Variants in TNFRSF21 observed in about 807,000 individuals in gnomAD.
TNFRSF21 encodes tumor necrosis factor receptor superfamily member 21.
Under a neutral mutation model 45.6 loss-of-function variants are expected in TNFRSF21, and 19 were observed. That is an observed-to-expected ratio of 0.42 (90% CI 0.29 to 0.61). The LOEUF is 0.61. Ranked by LOEUF, TNFRSF21 falls within the 20% of genes least tolerant of loss-of-function variation. The pLI is 0.23. For missense variants in TNFRSF21, 737 were observed against 851.5 expected (o/e 0.87, Z 1.67); for synonymous variants, 314 against 335.5 (o/e 0.94, Z 0.70).
intron 4 of TNFRSF21, among the ~76,000 whole-genome samples, chr6:47,252,049 G>T (rs377247068): frequency 2.6e-5 from 4 of 152,156 alleles, no homozygotes; most frequent in Non-Finnish European, 4.4e-5. Context: ...TTGGATAAAA[G>T]ATTCACCTGA....
chr6:47,270,506 T>C (rs912692271), intron 3 of TNFRSF21, among the ~76,000 whole-genome samples: 2 of 152,174 alleles, frequency 1.3e-5, no homozygotes, highest in Non-Finnish European at 2.9e-5. Context: ...ACCCCATCTG[T>C]AGGTCACCAA....
At chr6:47,239,009 G>A (rs1343028079) in intron 4 of TNFRSF21, among the ~76,000 whole-genome samples, 1 of 152,114 alleles carries the variant, frequency 6.6e-6, no homozygotes, top group Non-Finnish European at 1.5e-5. Context: ...AACTGAGGCT[G>A]GGCGCAGTGG....
rs1217761424 is a variant in TNFRSF21 at position 47,234,711 on chromosome 6, C to A, written c.1697G>T (p.Gly566Val). ...ACCGTTCCTGCTCAGCGCGGAGGAG[C>A]CGCTGGATGTAGAGTCACAGCGGAG... ...PLLRCDSTSS[G>V]SSALSRNGSF... is the part of the protein sequence containing the mutation. Residue 566 changes from glycine to valine, a missense_variant, in exon 5 of 6, where the codon GGC (glycine) becomes GTC (valine). Physicochemically the swap from Gly to Val is moderately radical, Grantham distance 109. Coordinates refer to ENST00000296861, the MANE Select transcript of TNFRSF21 (RefSeq NM_014452.5). 2 of 1,611,288 alleles carry A rather than the reference C, an allele frequency of 1.2e-6. No individual in the cohort carries two copies. Among genetic ancestry groups the A allele is most frequent in the African/African-American group, 1.3e-5 (1 of 74,916 alleles).
chr6:47,241,279 A>G (rs909154677), intron 4 of TNFRSF21, among the ~76,000 whole-genome samples: 11 of 152,222 alleles, frequency 7.2e-5, no homozygotes, highest in African/African-American at 2.2e-4. Context: ...ATCTGAATCT[A>G]TTCAATTCCT....
chr6:47,305,607 A>G (rs1762927279), intron 1 of TNFRSF21, among the ~76,000 whole-genome samples: 1 of 152,210 alleles, frequency 6.6e-6, no homozygotes, highest in Non-Finnish European at 1.5e-5. Flanking sequence ...GAGGTAATGT[A>G]CTTTGATAAA....
intron 3 of TNFRSF21, among the ~76,000 whole-genome samples, chr6:47,279,301 G>A (rs2113861416): frequency 6.6e-6 from 1 of 152,322 alleles, no homozygotes; most frequent in South Asian, 2.1e-4. Context: ...AAGGAAAAGG[G>A]AAATAGTAAC....
intron 3 of TNFRSF21, among the ~76,000 whole-genome samples, chr6:47,270,604 T>C (rs956710324): frequency 6.6e-6 from 1 of 152,128 alleles, no homozygotes; most frequent in Non-Finnish European, 1.5e-5. Context: ...GAGCGCATCT[T>C]CTCCTCCAAA....
intron 4 of TNFRSF21, among the ~76,000 whole-genome samples, chr6:47,235,831 A>T (rs1446815798): frequency 1.3e-5 from 2 of 152,168 alleles, no homozygotes; most frequent in Non-Finnish European, 2.9e-5. Flanking sequence ...TAGAACAGAG[A>T]CTGTGAAGAT....
chr6:47,261,892 GTA>G (rs546082419), intron 3 of TNFRSF21, among the ~76,000 whole-genome samples: 122 of 152,312 alleles, frequency 8.0e-4, no homozygotes, highest in African/African-American at 2.7e-3. Context: ...TTAAAAATTT[GTA>G]TACCAACAGC....
At chr6:47,254,197 T>C (rs1764947407) in intron 3 of TNFRSF21, among the ~76,000 whole-genome samples, 1 of 152,180 alleles carries the variant, frequency 6.6e-6, no homozygotes, top group South Asian at 2.1e-4. Context: ...GTCAATCTGA[T>C]AACCTAGACG....
Position 47,305,761 on chromosome 6 carries a change from A to G in TNFRSF21, c.96+3655T>C, listed in dbSNP as rs551570283. ...TCTATCTGGAATTCATAATGCTTGC[A>G]AAAGAGTTTTCTAAAACTTCAGACC... On this transcript the variant is annotated intron_variant, in intron 1 of 5. Transcript: ENST00000296861. Among the ~76,000 whole-genome samples, 72 of 152,324 alleles carry G rather than the reference A, an allele frequency of 4.7e-4. 3 individuals are homozygous for G. The highest frequency in any genetic ancestry group is 7.3e-5 in the Non-Finnish European group (5 of 68,040).
intron 1 of TNFRSF21, among the ~76,000 whole-genome samples, chr6:47,301,729 G>A (rs1373981764): frequency 5.3e-5 from 8 of 152,108 alleles, no homozygotes; most frequent in South Asian, 2.1e-4. Context: ...CTTCCGTTCT[G>A]CCATGACTAA....
intron 3 of TNFRSF21, among the ~76,000 whole-genome samples, chr6:47,280,855 T>C (rs1362212613): frequency 6.6e-6 from 1 of 152,216 alleles, no homozygotes; most frequent in African/African-American, 2.4e-5. Context: ...TAGCTGACCA[T>C]AATCTATAAA....
chr6:47,265,528 C>A (rs1231012733), intron 3 of TNFRSF21, among the ~76,000 whole-genome samples: 2 of 152,192 alleles, frequency 1.3e-5, no homozygotes, highest in African/African-American at 2.4e-5. Context: ...CCTGGCACTG[C>A]TACTTCCTAG....
chr6:47,291,724 T>G (rs933956259), intron 1 of TNFRSF21, among the ~76,000 whole-genome samples: 1 of 152,232 alleles, frequency 6.6e-6, no homozygotes, highest in Non-Finnish European at 1.5e-5. Context: ...CAAGTAAGAA[T>G]TCATTTGCAG....
chr6:47,275,984 C>T (rs540823044), intron 3 of TNFRSF21, among the ~76,000 whole-genome samples: 9 of 152,148 alleles, frequency 5.9e-5, no homozygotes, highest in Non-Finnish European at 1.0e-4. Context: ...AGGTAAGGCA[C>T]AGATAAATTG....
intron 1 of TNFRSF21, among the ~76,000 whole-genome samples, chr6:47,305,701 C>T (rs1277505206): frequency 3.3e-5 from 5 of 152,202 alleles, no homozygotes; most frequent in Non-Finnish European, 5.9e-5. Context: ...TCTAGGCAAA[C>T]GCACAGCTGG....
intron 1 of TNFRSF21, among the ~76,000 whole-genome samples, chr6:47,287,363 T>A (rs1406624869): frequency 1.8e-5 from 2 of 112,800 alleles, no homozygotes; most frequent in African/African-American, 3.4e-5. Flanking sequence ...CTAGTCAAAA[T>A]CCAAATGCAA....
intron 4 of TNFRSF21, among the ~76,000 whole-genome samples, chr6:47,249,963 C>A (rs1053721625): frequency 3.3e-5 from 5 of 151,692 alleles, no homozygotes; most frequent in African/African-American, 1.2e-4. Flanking sequence ...TAAAAAAAGA[C>A]GAGAGGACAA....
Sources: allele counts gnomAD v4.1 joint callset (sites outside exome capture counted in the v4.1 genomes callset), GRCh38; gene constraint gnomAD v4.1.1; transcripts MANE v1.5; gene names NCBI Gene and HGNC (gene_info 2026-07-23, HGNC 2026-07-21).